Variants in FAM117B observed in about 807,000 individuals in gnomAD.
FAM117B encodes protein FAM117B.
Under a neutral mutation model 52.8 loss-of-function variants are expected in FAM117B, and 22 were observed. The observed-to-expected ratio is 0.42, with a 90% confidence interval of 0.30 to 0.59. The LOEUF is 0.59. Among genes scored for constraint, FAM117B ranks in the 20% least tolerant of loss-of-function variants. The pLI is 0.22. For synonymous variants in FAM117B, 309 were observed against 324.1 expected, an observed-to-expected ratio of 0.95 and a Z score of 0.50; for missense variants, 678 against 802.6, an observed-to-expected ratio of 0.84 and a Z score of 1.88.
intron 4 of FAM117B, among the ~76,000 whole-genome samples, chr2:202,736,226 C>A (rs1039561842): frequency 6.6e-6 from 1 of 152,040 alleles, no homozygotes; most frequent in African/African-American, 2.4e-5. Context: ...AGTTTTTTGC[C>A]GTTTCAAAAT....
intron 2 of FAM117B, among the ~76,000 whole-genome samples, chr2:202,718,270 C>T (rs1444021264): frequency 6.6e-6 from 1 of 152,218 alleles, no homozygotes; most frequent in East Asian, 1.9e-4. Flanking sequence ...GCTTGGTGCT[C>T]TCTGCCACTG....
intron 1 of FAM117B, among the ~76,000 whole-genome samples, chr2:202,677,591 G>T (rs1316981943): frequency 6.6e-6 from 1 of 152,184 alleles, no homozygotes; most frequent in Non-Finnish European, 1.5e-5. Context: ...ATCTTGCTCA[G>T]ATTCTAAAGA....
intron 1 of FAM117B, among the ~76,000 whole-genome samples, chr2:202,683,266 G>GTACAGTCAGCCGAGATCACACCAC (rs1690490756): frequency 2.0e-5 from 3 of 150,986 alleles, no homozygotes; most frequent in Non-Finnish European, 4.4e-5. Context: ...GAGGCGGAGG[G>GTACAGTCAGCCGAGATCACACCAC]TACAGTCAGC....
intron 2 of FAM117B, among the ~76,000 whole-genome samples, chr2:202,700,685 A>AT (rs747907499): frequency 0.15 from 20,507 of 138,092 alleles, 4,511 homozygotes; most frequent in African/African-American, 0.48. Context: ...CTAAACAAGA[A>AT]TTTTTTTTTT....
At chr2:202,744,976 C>CAAA (rs58898446) in intron 4 of FAM117B, among the ~76,000 whole-genome samples, 3 of 59,276 alleles carry the variant, frequency 5.1e-5, no homozygotes, top group Non-Finnish European at 8.8e-5. Context: ...GACTCTGTCT[C>CAAA]AAAAAAAAAA....
At chr2:202,641,848 A>G (rs1689774123) in intron 1 of FAM117B, among the ~76,000 whole-genome samples, 1 of 151,910 alleles carries the variant, frequency 6.6e-6, no homozygotes. Flanking sequence ...TATGTTGGCC[A>G]GGCTGGTCTC....
At chr2:202,731,670 G>T (rs1383761526) in intron 4 of FAM117B, among the ~76,000 whole-genome samples, 18 of 151,962 alleles carry the variant, frequency 1.2e-4, no homozygotes, top group African/African-American at 4.3e-4. Flanking sequence ...GACCTCGTGA[G>T]CCTCCTGCCT....
At chr2:202,759,575 T>TG (rs1691853494) in intron 7 of FAM117B, among the ~76,000 whole-genome samples, 1 of 130,854 alleles carries the variant, frequency 7.6e-6, no homozygotes. Flanking sequence ...TTTTTTTTTT[T>TG]GAGACAGAGT....
intron 1 of FAM117B, among the ~76,000 whole-genome samples, chr2:202,639,370 C>T (rs1689733671): frequency 6.6e-6 from 1 of 152,162 alleles, no homozygotes; most frequent in South Asian, 2.1e-4. Context: ...TAAAGTAATC[C>T]AAGCACCCAT....
chr2:202,758,931 G>A (rs1691841918), intron 6 of FAM117B, among the ~76,000 whole-genome samples: 1 of 152,166 alleles, frequency 6.6e-6, no homozygotes, highest in South Asian at 2.1e-4. Context: ...TATTTGTACT[G>A]GGAAAAATGG....
intron 1 of FAM117B, among the ~76,000 whole-genome samples, chr2:202,685,573 TAAAG>T (rs556047888): frequency 1.9e-4 from 29 of 152,288 alleles, no homozygotes; most frequent in Middle Eastern, 3.4e-3. Context: ...TAATTAAAAT[TAAAG>T]AACTTACATT....
At chr2:202,678,020 A>T (rs1690403918) in intron 1 of FAM117B, among the ~76,000 whole-genome samples, 1 of 152,202 alleles carries the variant, frequency 6.6e-6, no homozygotes, top group South Asian at 2.1e-4. Flanking sequence ...GTAGTTCTGG[A>T]TGATACATCA....
intron 5 of FAM117B, among the ~76,000 whole-genome samples, chr2:202,756,627 T>G (rs1691803948): frequency 6.6e-6 from 1 of 152,082 alleles, no homozygotes; most frequent in Admixed American, 6.6e-5. Context: ...TCCATCCTGC[T>G]TGATGGGGTA....
At chr2:202,669,632 T>G (rs1250024920) in intron 1 of FAM117B, among the ~76,000 whole-genome samples, 2 of 152,016 alleles carry the variant, frequency 1.3e-5, no homozygotes, top group Non-Finnish European at 2.9e-5. Context: ...TAAGAAAAAA[T>G]GTTTTTCACA....
At chr2:202,759,867 A>G (rs944965222) in intron 7 of FAM117B, among the ~76,000 whole-genome samples, 1 of 152,012 alleles carries the variant, frequency 6.6e-6, no homozygotes, top group Non-Finnish European at 1.5e-5. Context: ...TAGCCTGGCT[A>G]ATATTTTAAA....
chr2:202,662,138 GTA>G (rs1690139902), intron 1 of FAM117B, among the ~76,000 whole-genome samples: 1 of 150,676 alleles, frequency 6.6e-6, no homozygotes, highest in African/African-American at 2.5e-5. Flanking sequence ...GTGTGTGTGT[GTA>G]TGTGTGTATG....
chr2:202,725,771 G>A (rs781572599), intron 3 of FAM117B, among the ~76,000 whole-genome samples: 4 of 151,964 alleles, frequency 2.6e-5, no homozygotes, highest in African/African-American at 4.8e-5. Context: ...GCAAAAACTC[G>A]GTCAAAGAAT....
intron 1 of FAM117B, among the ~76,000 whole-genome samples, chr2:202,671,925 C>T (rs967760329): frequency 2.0e-5 from 3 of 152,188 alleles, no homozygotes; most frequent in African/African-American, 4.8e-5. Context: ...CAAGCTGACA[C>T]TCCACAATCT....
At chr2:202,736,053 T>C (rs1691433907) in intron 4 of FAM117B, among the ~76,000 whole-genome samples, 1 of 152,110 alleles carries the variant, frequency 6.6e-6, no homozygotes, top group Admixed American at 6.5e-5. Flanking sequence ...CTTACTAGCC[T>C]AGGAGGGTTT....
Sources: allele counts gnomAD v4.1 joint callset (sites outside exome capture counted in the v4.1 genomes callset), GRCh38; gene constraint gnomAD v4.1.1; transcripts MANE v1.5; gene names NCBI Gene and HGNC (gene_info 2026-07-23, HGNC 2026-07-21).